The following DCDC1 variants were observed in gnomAD, a reference collection of about 807,000 sequenced individuals.
DCDC1 encodes doublecortin domain containing 1, also known as doublecortin domain-containing protein 1.
Under a neutral mutation model 178.3 loss-of-function variants are expected in DCDC1, and 200 were observed. The observed-to-expected ratio is 1.12, with a 90% confidence interval of 1.00 to 1.26. DCDC1 has a LOEUF of 1.26. Ranked by LOEUF, DCDC1 falls within the 50% of genes most tolerant of loss-of-function variation. DCDC1 has a pLI of 0.00. For synonymous variants in DCDC1, 690 were observed against 604.8 expected (o/e 1.14, Z -2.07); for missense variants, 1,983 against 1,749.2 (o/e 1.13, Z -2.38).
At chr11:30,913,050 T>C (rs2134187255) in intron 27 of DCDC1, among the ~76,000 whole-genome samples, 1 of 152,308 alleles carries the variant, frequency 6.6e-6, no homozygotes, top group African/African-American at 2.4e-5. Flanking sequence ...TCAGAATTAC[T>C]GTCGCTGTAC....
chr11:31,309,333 A>G lies in DCDC1; in HGVS notation c.165-1425T>C, dbSNP rs181637118. On this transcript the variant is annotated intron_variant, in intron 3 of 38. Transcript: ENST00000684477. Reference sequence around the variant, plus strand: ...CCTTCCCTACACATTGGATATAACCAGGCTCAAAACTGTGGCAAACAACGC... The same window carrying G: ...CCTTCCCTACACATTGGATATAACCGGGCTCAAAACTGTGGCAAACAACGC... Among the ~76,000 whole-genome samples the G allele has an allele frequency of 3.6e-3, 548 of 152,326 alleles. 1 individual carries two copies. The highest frequency in any genetic ancestry group is 4.8e-3 in the Non-Finnish European group (326 of 68,026).
At chr11:30,949,639 A>C (rs1165919613) in intron 21 of DCDC1, among the ~76,000 whole-genome samples, 2 of 152,224 alleles carry the variant, frequency 1.3e-5, no homozygotes, top group Non-Finnish European at 2.9e-5. Context: ...GATAAAGAAA[A>C]TGTGGCACAT....
intron 20 of DCDC1, among the ~76,000 whole-genome samples, chr11:31,025,480 A>C (rs901744763): frequency 6.6e-6 from 1 of 151,880 alleles, no homozygotes; most frequent in African/African-American, 2.4e-5. Context: ...ATTTAAAACC[A>C]CAAAGCCCTT....
rs532170324 is a variant in DCDC1 at position 30,911,004 on chromosome 11, T to G, written c.3747+323A>C. Among the ~76,000 whole-genome samples the G allele has an allele frequency of 6.6e-5, 10 of 152,314 alleles. No homozygotes were observed. The South Asian group carries it at 2.1e-3, about 32-fold the overall frequency. On this transcript the variant is annotated intron_variant, in intron 28 of 38. Coordinates refer to ENST00000684477, the MANE Select transcript of DCDC1 (RefSeq NM_001387274.1). ...TAGGTGCATCTAATAGCCATCCACCTGCCTGCAGCCACCACTGAGACCATA... is the reference window on the plus strand; with the variant it reads ...TAGGTGCATCTAATAGCCATCCACCGGCCTGCAGCCACCACTGAGACCATA...
chr11:30,916,057 A>T (rs190305501), intron 26 of DCDC1, among the ~76,000 whole-genome samples: 2 of 152,344 alleles, frequency 1.3e-5, no homozygotes, highest in East Asian at 3.9e-4. Context: ...GGGCAGGGGC[A>T]TGTAGAATAA....
At chr11:31,348,941 G>A (rs2133280856) in intron 1 of DCDC1, among the ~76,000 whole-genome samples, 1 of 152,034 alleles carries the variant, frequency 6.6e-6, no homozygotes, top group Non-Finnish European at 1.5e-5. Flanking sequence ...AGTTTACTGT[G>A]GAATAGTCTA....
intron 7 of DCDC1, among the ~76,000 whole-genome samples, chr11:31,279,151 T>C (rs1383899353): frequency 6.6e-6 from 1 of 152,210 alleles, no homozygotes; most frequent in Non-Finnish European, 1.5e-5. Context: ...GTTTTCACTG[T>C]ATAAGTCTTG....
At chr11:31,000,394 C>T (rs1263169184) in intron 20 of DCDC1, among the ~76,000 whole-genome samples, 5 of 152,110 alleles carry the variant, frequency 3.3e-5, no homozygotes, top group African/African-American at 1.2e-4. Context: ...GGATTCTTTG[C>T]CTTCTACTTC....
chr11:31,220,484 GCAGTA>G (rs1225633801), intron 9 of DCDC1, among the ~76,000 whole-genome samples: 6 of 152,206 alleles, frequency 3.9e-5, no homozygotes, highest in African/African-American at 1.4e-4. Flanking sequence ...TTTGAGCAAG[GCAGTA>G]TTGCTAAAAT....
intron 18 of DCDC1, among the ~76,000 whole-genome samples, chr11:31,076,401 C>T (rs772803537): frequency 6.6e-5 from 10 of 151,928 alleles, no homozygotes; most frequent in Admixed American, 2.6e-4. Flanking sequence ...CAGGCTGGAG[C>T]GCAGTGGCAT....
In DCDC1 at chr11:31,305,606, CT is replaced by C. The variant is rs762574196; in HGVS notation, c.754+8del. 3.7e-6 allele frequency: 6 copies of C among 1,612,346 alleles called. No homozygotes were observed. Among genetic ancestry groups the C allele is most frequent in the Non-Finnish European group, 5.1e-6 (6 of 1,179,076 alleles). ...TGTGGGGGTAGGGTATTTTTTAGAT[CT>C]TTTTTACCTTTAATTTTTTTGAATG... On this transcript the variant is annotated splice_region_variant and intron_variant, in intron 6 of 38. Transcript: ENST00000684477.
chr11:31,104,080 A>G (rs1231766489), intron 13 of DCDC1, among the ~76,000 whole-genome samples: 1 of 152,202 alleles, frequency 6.6e-6, no homozygotes, highest in African/African-American at 2.4e-5. Context: ...TTCATTTTCC[A>G]TGTATAACAG....
intron 21 of DCDC1, among the ~76,000 whole-genome samples, chr11:30,938,203 A>AT (rs760117286): frequency 6.7e-6 from 1 of 149,906 alleles, no homozygotes; most frequent in African/African-American, 2.5e-5. Flanking sequence ...TCTCTCGTTC[A>AT]TTTTTCTTCT....
chr11:31,009,721 A>T (rs563742286), intron 20 of DCDC1, among the ~76,000 whole-genome samples: 4 of 152,254 alleles, frequency 2.6e-5, no homozygotes, highest in African/African-American at 9.6e-5. Flanking sequence ...ACATCCATCC[A>T]CATTGGGGAG....
rs1245241708 is a variant in DCDC1 at position 31,137,682 on chromosome 11, A to C, written c.1314+10T>G. 5.7e-6 allele frequency: 4 copies of C among 702,080 alleles called. No homozygotes were observed. Among genetic ancestry groups the C allele is most frequent in the Non-Finnish European group, 1.0e-5 (4 of 384,606 alleles). The allele number at this position is 702,080 out of a possible 1,614,324, so 43.5% of individuals were successfully genotyped here. ...GTTTTAAAATACAGTTTACAAAGTA[A>C]TTTCCTTACTTCTTCCTGTTCCTTA... On this transcript the variant is annotated intron_variant, in intron 10 of 38. Transcript: ENST00000684477.
chr11:31,274,455 A>C (rs1218743332), intron 7 of DCDC1, among the ~76,000 whole-genome samples: 1 of 148,952 alleles, frequency 6.7e-6, no homozygotes, highest in African/African-American at 2.4e-5. Flanking sequence ...AGGTGGCATA[A>C]GGAAGGCTTC....
intron 20 of DCDC1, among the ~76,000 whole-genome samples, chr11:31,029,906 A>G (rs1953505616): frequency 6.6e-6 from 1 of 152,224 alleles, no homozygotes; most frequent in African/African-American, 2.4e-5. Context: ...TAGGAATTTT[A>G]TTTCCATGGT....
intron 9 of DCDC1, among the ~76,000 whole-genome samples, chr11:31,197,195 C>A (rs905402108): frequency 6.6e-6 from 1 of 151,958 alleles, no homozygotes; most frequent in Non-Finnish European, 1.5e-5. Context: ...TCAAAAATAT[C>A]TTTGTTTCAA....
intron 9 of DCDC1, among the ~76,000 whole-genome samples, chr11:31,204,393 AC>A (rs1971640132): frequency 6.6e-6 from 1 of 152,172 alleles, no homozygotes; most frequent in South Asian, 2.1e-4. Context: ...ATATAAAGTG[AC>A]AAAATATTAT....
Sources: allele counts gnomAD v4.1 joint callset (sites outside exome capture counted in the v4.1 genomes callset), GRCh38; gene constraint gnomAD v4.1.1; transcripts MANE v1.5; gene names NCBI Gene and HGNC (gene_info 2026-07-23, HGNC 2026-07-21).